The following ARNT2 variants were observed in gnomAD, a reference collection of about 807,000 sequenced individuals.
ARNT2 encodes the protein ARNT protein 2.
Under a neutral mutation model 91.7 loss-of-function variants are expected in ARNT2, and 36 were observed. The observed-to-expected ratio is 0.39, with a 90% CI of 0.30 to 0.52. The LOEUF (loss-of-function observed/expected upper bound fraction) is 0.52, where lower values mean the gene tolerates loss of function less well. ARNT2 is among the 20% of genes least tolerant of loss of function. ARNT2 has a pLI of 0.72. For missense variants in ARNT2, 775 were observed against 939.3 expected (o/e 0.83, Z 2.29); for synonymous variants, 365 against 347.1 (o/e 1.05, Z -0.57).
chr15:80,484,121 T>G (rs1896929755), intron 5 of ARNT2, among the ~76,000 whole-genome samples: 1 of 151,710 alleles, frequency 6.6e-6, no homozygotes, highest in Non-Finnish European at 1.5e-5. Context: ...GCCAGAATCT[T>G]AATCCTGAAC....
chr15:80,541,455 G>C (rs1897904214), intron 8 of ARNT2, among the ~76,000 whole-genome samples: 1 of 152,098 alleles, frequency 6.6e-6, no homozygotes, highest in Non-Finnish European at 1.5e-5. Flanking sequence ...CTACCCTGTT[G>C]ATAGTTTCAT....
chr15:80,596,824 A>G lies in ARNT2; in HGVS notation c.*3126A>G, dbSNP rs1893381964. On this transcript the variant is annotated 3_prime_UTR_variant, in exon 19 of 19. Transcript: ENST00000303329. ...GACAACCCGGGCCGGCAGCAAGGAC[A>G]CAGATGCAGCCACAGTAAGGCTCCA... 7.2e-6 allele frequency: 2 copies of G among 278,784 alleles called. No homozygotes were observed. The highest frequency in any genetic ancestry group is 4.5e-5 in the Admixed American group (1 of 22,292). The allele number at this position is 278,784 out of a possible 1,614,324, so 17.3% of individuals were successfully genotyped here.
chr15:80,509,521 A>T (rs773782032), intron 6 of ARNT2, among the ~76,000 whole-genome samples: 2 of 152,204 alleles, frequency 1.3e-5, no homozygotes, highest in Non-Finnish European at 2.9e-5. Flanking sequence ...TCATTTTAGT[A>T]GGGGTGATAC....
chr15:80,477,714 T>G (rs1166792940), intron 5 of ARNT2, among the ~76,000 whole-genome samples: 2 of 152,204 alleles, frequency 1.3e-5, no homozygotes, highest in East Asian at 3.8e-4. Flanking sequence ...CATTTAAGCT[T>G]AACAATCTCT....
intron 1 of ARNT2, among the ~76,000 whole-genome samples, chr15:80,422,193 G>A (rs1895870516): frequency 2.0e-5 from 3 of 152,126 alleles, no homozygotes; most frequent in Admixed American, 6.5e-5. Flanking sequence ...TTTCAGAATC[G>A]ATGAAAGTCA....
intron 3 of ARNT2, among the ~76,000 whole-genome samples, chr15:80,468,612 C>A (rs917962897): frequency 2.6e-5 from 4 of 151,800 alleles, no homozygotes; most frequent in Non-Finnish European, 4.4e-5. Context: ...CCCCTTCTAG[C>A]ACCCTCAGCC....
At chr15:80,423,830 C>A (rs866226561) in intron 1 of ARNT2, among the ~76,000 whole-genome samples, 8 of 151,770 alleles carry the variant, frequency 5.3e-5, no homozygotes, top group African/African-American at 1.9e-4. Flanking sequence ...ATTCTTTCAG[C>A]TCCAAAGACA....
intron 11 of ARNT2, among the ~76,000 whole-genome samples, chr15:80,559,159 A>G (rs923312136): frequency 6.6e-6 from 1 of 152,208 alleles, no homozygotes; most frequent in Non-Finnish European, 1.5e-5. Flanking sequence ...AAGGCTTCAG[A>G]CTGCTGACGC....
chr15:80,473,940 A>G (rs981288727), intron 4 of ARNT2, among the ~76,000 whole-genome samples: 1 of 152,194 alleles, frequency 6.6e-6, no homozygotes, highest in Non-Finnish European at 1.5e-5. Flanking sequence ...GATGTTTGCT[A>G]GCTGCTGACC....
intron 1 of ARNT2, among the ~76,000 whole-genome samples, chr15:80,421,215 G>C (rs1895855651): frequency 6.6e-6 from 1 of 152,040 alleles, no homozygotes; most frequent in South Asian, 2.1e-4. Flanking sequence ...GATGTGCAGG[G>C]GCATACAGGG....
At chr15:80,408,914 C>G (rs1180542515) in intron 1 of ARNT2, among the ~76,000 whole-genome samples, 1 of 152,052 alleles carries the variant, frequency 6.6e-6, no homozygotes, top group Non-Finnish European at 1.5e-5. Context: ...TTTTTAAAGG[C>G]TCCTTTTTTA....
intron 4 of ARNT2, among the ~76,000 whole-genome samples, chr15:80,470,689 A>G (rs1453396290): frequency 1.3e-5 from 2 of 152,248 alleles, no homozygotes; most frequent in Non-Finnish European, 2.9e-5. Flanking sequence ...CGTGCTCAGC[A>G]CACTGACACA....
intron 8 of ARNT2, among the ~76,000 whole-genome samples, chr15:80,523,315 C>T (rs1897583382): frequency 6.6e-6 from 1 of 152,114 alleles, no homozygotes; most frequent in East Asian, 1.9e-4. Context: ...TTCAGGGGTA[C>T]AAACACAGAC....
At chr15:80,414,479 C>G (rs560311945) in intron 1 of ARNT2, among the ~76,000 whole-genome samples, 1 of 152,286 alleles carries the variant, frequency 6.6e-6, no homozygotes, top group South Asian at 2.1e-4. Context: ...GGGCTGGCCC[C>G]TTTAAAACAT....
At chr15:80,430,154 A>G (rs1377875628) in intron 1 of ARNT2, among the ~76,000 whole-genome samples, 2 of 152,074 alleles carry the variant, frequency 1.3e-5, no homozygotes, top group East Asian at 1.9e-4. Flanking sequence ...AGAGCTTCCT[A>G]GGTCCTCTGA....
intron 1 of ARNT2, among the ~76,000 whole-genome samples, chr15:80,431,700 T>C (rs1896014431): frequency 6.6e-6 from 1 of 152,164 alleles, no homozygotes; most frequent in Admixed American, 6.5e-5. Flanking sequence ...TCTGGCTGTT[T>C]TTCCAGGCTA....
chr15:80,542,891 G>A (rs1330649387), intron 8 of ARNT2, among the ~76,000 whole-genome samples: 3 of 151,798 alleles, frequency 2.0e-5, no homozygotes, highest in South Asian at 2.1e-4. Flanking sequence ...TGGCAAAAGC[G>A]CATTTGTGCC....
intron 3 of ARNT2, among the ~76,000 whole-genome samples, chr15:80,461,983 C>T (rs892688484): frequency 6.6e-6 from 1 of 152,124 alleles, no homozygotes; most frequent in Non-Finnish European, 1.5e-5. Flanking sequence ...CAAAGATGAT[C>T]CTCCCGGGCA....
intron 3 of ARNT2, among the ~76,000 whole-genome samples, chr15:80,466,397 A>T (rs759896594): frequency 1.3e-5 from 2 of 152,208 alleles, no homozygotes; most frequent in Non-Finnish European, 2.9e-5. Flanking sequence ...TGACAGCTCT[A>T]CCTGTGTCCC....
Sources: gnomAD v4.1 joint callset for allele counts (sites outside exome capture counted in the v4.1 genomes callset) on GRCh38, gnomAD v4.1.1 for gene constraint, MANE v1.5 for transcripts, NCBI Gene and HGNC (gene_info 2026-07-23, HGNC 2026-07-21) for gene names.